Variants in PDK1 observed in about 807,000 individuals in gnomAD.
PDK1 encodes [Pyruvate dehydrogenase (acetyl-transferring)] kinase isozyme 1, mitochondrial.
PDK1 carries 39 observed loss-of-function variants against 54.2 expected under a neutral mutation model. The observed-to-expected ratio is 0.72, with a 90% confidence interval of 0.56 to 0.94. The LOEUF (loss-of-function observed/expected upper bound fraction) is 0.94, where lower values mean the gene tolerates loss of function less well. Among genes scored for constraint, PDK1 ranks in the 40% least tolerant of loss-of-function variants. The pLI, the probability that PDK1 is intolerant of heterozygous loss-of-function variation, is 0.00. For missense variants in PDK1, 552 were observed against 566.0 expected (o/e 0.98, Z 0.25); for synonymous variants, 221 against 207.1 (o/e 1.07, Z -0.58).
At chr2:172,665,903 C>T in the PDK1 span, among the ~76,000 whole-genome samples, 3 of 152,116 alleles carry the variant, frequency 2.0e-5, no homozygotes, top group African/African-American at 7.2e-5. Flanking sequence ...TCCTGGATCA[C>T]TCAGACATAA....
chr2:172,610,383 C>T (rs1314500687), downstream of PDK1, among the ~76,000 whole-genome samples: 1 of 152,054 alleles, frequency 6.6e-6, no homozygotes, highest in Non-Finnish European at 1.5e-5. Context: ...ATGGGCACAC[C>T]GGATCTCTTT....
At chr2:172,584,087 A>G (rs1007811810) in intron 8 of PDK1, among the ~76,000 whole-genome samples, 14 of 152,218 alleles carry the variant, frequency 9.2e-5, no homozygotes, top group Admixed American at 6.5e-4. Context: ...ATGAAAATGT[A>G]AAGACCTACA....
At chr2:172,592,250 C>T (rs1467057744) in intron 9 of PDK1, among the ~76,000 whole-genome samples, 1 of 152,182 alleles carries the variant, frequency 6.6e-6, no homozygotes, top group African/African-American at 2.4e-5. Context: ...TAAATTTACC[C>T]TGGCTTTTGA....
chr2:172,625,406 G>A, the PDK1 span, among the ~76,000 whole-genome samples: 6 of 152,136 alleles, frequency 3.9e-5, no homozygotes, highest in Non-Finnish European at 5.9e-5. Flanking sequence ...TGTCCTGTGT[G>A]TCCTTTCTCC....
chr2:172,626,721 C>A, the PDK1 span, among the ~76,000 whole-genome samples: 1 of 151,004 alleles, frequency 6.6e-6, no homozygotes, highest in Non-Finnish European at 1.5e-5. Context: ...TTGAACCTGG[C>A]GGTTGAGGCT....
In PDK1 at chr2:172,601,464, C is replaced by T. The variant is rs1235639703; in HGVS notation, c.*5495C>T. 6.6e-6 allele frequency: 1 copy of T among 152,050 alleles called. No homozygotes were observed. Among genetic ancestry groups the T allele is most frequent in the Non-Finnish European group, 1.5e-5 (1 of 68,006 alleles). The allele number at this position is 152,050 out of a possible 1,614,324, so 9.4% of individuals were successfully genotyped here. On this transcript the variant is annotated 3_prime_UTR_variant, in exon 11 of 11. Transcript: ENST00000282077. ...AATTGGATCATGGGGTTGGTTTCTC[C>T]CATGCTGTTCTCGTGATAGTTCCCA... is the stretch of plus-strand genomic sequence containing the variant.
chr2:172,593,208 T>C (rs1690702677), intron 10 of PDK1, among the ~76,000 whole-genome samples, 160 bp downstream of exon 10: 1 of 152,216 alleles, frequency 6.6e-6, no homozygotes, highest in African/African-American at 2.4e-5. Flanking sequence ...GATGATCCCC[T>C]AAAACTATGG....
At chr2:172,655,158 A>G in the PDK1 span, among the ~76,000 whole-genome samples, 4 of 152,280 alleles carry the variant, frequency 2.6e-5, no homozygotes, top group South Asian at 8.3e-4. Context: ...TGGTGGCTGG[A>G]GTCAGCAGGC....
the PDK1 span, chr2:172,723,833 A>T: frequency 1.3e-5 from 2 of 152,216 alleles, no homozygotes; most frequent in Non-Finnish European, 1.5e-5. Flanking sequence ...TCAAAGGATG[A>T]GCATTACACT....
At chr2:172,652,548 A>G in the PDK1 span, among the ~76,000 whole-genome samples, 2 of 152,244 alleles carry the variant, frequency 1.3e-5, no homozygotes, top group Non-Finnish European at 2.9e-5. Context: ...TGCAGATGAC[A>G]TGATTGTACA....
chr2:172,593,199 A>C (rs1329550642), intron 10 of PDK1, 151 bp downstream of exon 10: 9 of 468,034 alleles, frequency 1.9e-5, no homozygotes, highest in East Asian at 1.9e-4. Context: ...ATTTTGATAG[A>C]TGATCCCCTA....
chr2:172,662,631 T>G, the PDK1 span, among the ~76,000 whole-genome samples: 1 of 152,132 alleles, frequency 6.6e-6, no homozygotes, highest in Non-Finnish European at 1.5e-5. Context: ...ATTGAACATT[T>G]GGATCATTCC....
At chr2:172,664,578 T>C in the PDK1 span, among the ~76,000 whole-genome samples, 32 of 152,160 alleles carry the variant, frequency 2.1e-4, no homozygotes, top group Admixed American at 7.8e-4. Flanking sequence ...TCCCACTCTA[T>C]AAAGTTATCT....
At chr2:172,593,585 T>C (rs1000214416) in intron 10 of PDK1, among the ~76,000 whole-genome samples, 1 of 152,212 alleles carries the variant, frequency 6.6e-6, no homozygotes, top group African/African-American at 2.4e-5. Flanking sequence ...TTCCAAAACA[T>C]TCATCTTAGT....
chr2:172,673,313 T>C, the PDK1 span, among the ~76,000 whole-genome samples: 1 of 152,192 alleles, frequency 6.6e-6, no homozygotes, highest in East Asian at 1.9e-4. Context: ...TGAGGCATTC[T>C]TCCCTTACTA....
chr2:172,703,766 C>CTTTTTTTTTTTTTTTTTTTTT, the PDK1 span, among the ~76,000 whole-genome samples: 62 of 89,118 alleles, frequency 7.0e-4, 3 homozygotes, highest in African/African-American at 1.0e-3. Flanking sequence ...TTCTTTCTTT[C>CTTTTTTTTTTTTTTTTTTTTT]TTTTTTTTTT....
chr2:172,691,117 C>T, the PDK1 span, among the ~76,000 whole-genome samples: 2 of 150,428 alleles, frequency 1.3e-5, no homozygotes, highest in East Asian at 2.1e-4. Context: ...TTTTTAAAAG[C>T]GACTAGCTTT....
At chr2:172,610,862 C>T (rs551233122), downstream of PDK1, among the ~76,000 whole-genome samples, 4 of 152,290 alleles carry the variant, frequency 2.6e-5, no homozygotes, top group South Asian at 2.1e-4. Context: ...CCACCCTCCT[C>T]GGCCTCCCAT....
In PDK1 at chr2:172,599,958, A is replaced by G. The variant is rs1691057920; in HGVS notation, c.*3989A>G. 6.6e-6 allele frequency: 1 copy of G among 152,226 alleles called. No homozygotes were observed. The highest frequency in any genetic ancestry group is 2.4e-5 in the African/African-American group (1 of 41,458). 9.4% of individuals were successfully genotyped at this position (152,226 alleles called of 1,614,324 possible). ...ACAGAGTTTCACCCCAGTAAAATAA[A>G]CTTCCACGTGAGAGTTGTGTTCATT... On this transcript the variant is annotated 3_prime_UTR_variant, in exon 11 of 11. Transcript: ENST00000282077.
Sources: gnomAD v4.1 joint callset for allele counts (sites outside exome capture counted in the v4.1 genomes callset) on GRCh38, gnomAD v4.1.1 for gene constraint, MANE v1.5 for transcripts, NCBI Gene and HGNC (gene_info 2026-07-23, HGNC 2026-07-21) for gene names.